The following TPR variants were observed in gnomAD, a reference collection of about 807,000 sequenced individuals.
The protein encoded by TPR is nucleoprotein TPR.
In TPR, 51 loss-of-function variants were observed where a neutral mutation model predicts 316.1. The observed-to-expected ratio is 0.16, with a 90% CI of 0.13 to 0.20. The LOEUF is 0.20. Ranked by LOEUF, TPR falls within the 10% of genes least tolerant of loss-of-function variation. The pLI is 1.00. For missense variants in TPR, 2,272 were observed against 2,754.8 expected (o/e 0.82, Z 3.92); for synonymous variants, 981 against 914.7 (o/e 1.07, Z -1.31).
chr1:186,318,327 C>CAA (rs112634226), intron 48 of TPR, 120 bp downstream of exon 48: 1,047 of 994,196 alleles, frequency 1.1e-3, no homozygotes, highest in African/African-American at 3.6e-3. Flanking sequence ...GACTCTGTCT[C>CAA]AAAAAAAAAA....
chr1:186,332,151 C>T, intron 38 of TPR, 44 bp downstream of exon 38: 1 of 1,574,968 alleles, frequency 6.3e-7, no homozygotes, highest in Non-Finnish European at 8.6e-7. Flanking sequence ...AGTACCTTAA[C>T]TCTACTGGTA....
rs1158757677 is a variant in TPR at position 186,355,310 on chromosome 1, A to C, written c.2171+100T>G. ...TCTCATTCTGGAACACAGTTCACAA[A>C]AAAAGCAACACTATTGCAAATTAGC... is the stretch of plus-strand genomic sequence containing the variant. On this transcript the variant is annotated intron_variant, in intron 17 of 50. Coordinates refer to ENST00000367478, the MANE Select transcript of TPR (RefSeq NM_003292.3). 2.3e-6 allele frequency: 3 copies of C among 1,314,282 alleles called. No individual in the cohort carries two copies. In the Admixed American group the frequency reaches 7.1e-5, roughly 31 times the overall value. 81.4% of individuals were successfully genotyped at this position (1,314,282 alleles called of 1,614,324 possible).
At chr1:186,339,872 C>A in intron 29 of TPR, 100 bp from the exon 30 acceptor site, 1 of 996,084 alleles carries the variant, frequency 1.0e-6, no homozygotes, top group Non-Finnish European at 1.4e-6. Context: ...TATTAGGTGT[C>A]CTGCATGTAA....
rs368340408 is a variant in TPR, at chr1:186,346,254, G to A, written c.2977C>T (p.Arg993Cys). Residue 993 changes from arginine (R) to cysteine (C), a missense_variant, in exon 23 of 51, where the codon CGT becomes TGT. This residue lies in a region of TPR where 757 missense variants were observed against 859.8 expected (regional missense o/e 0.88). Coordinates refer to ENST00000367478, the MANE Select transcript of TPR (RefSeq NM_003292.3). ...TEEVRKNIEV[R>C]LKESAEFQTQ... ...TGAAATTCAGCTGACTCTTTTAAAC[G>A]AACTTCAATATTCTTACGCACTTCT... 3 of 1,611,984 alleles carry A rather than the reference G, an allele frequency of 1.9e-6. No individual in the cohort carries two copies. The highest frequency in any genetic ancestry group is 2.2e-5 in the East Asian group (1 of 44,720).
At position 186,361,829 on chromosome 1, in the gene TPR, T is replaced by C. The variant is rs1271209230; in HGVS notation, c.830A>G (p.Asn277Ser). 7 of 1,613,190 alleles carry C rather than the reference T, an allele frequency of 4.3e-6. No homozygotes were observed. Among genetic ancestry groups the C allele is most frequent in the South Asian group, 2.2e-5 (2 of 91,054 alleles). Reference protein sequence around the residue: ...QQASMEEKFHNELNAHIKLSN... With the variant: ...QQASMEEKFHSELNAHIKLSN... ...AAGTTTTATGTGGGCATTTAATTCA[T>C]TGTGGAATTTCTCTTCCATACTGGC... The change falls in exon 8 of 51, where the codon AAT becomes AGT. Residue 277 changes from asparagine to serine, a missense_variant. This residue lies in a region of TPR where 549 missense variants were observed against 598.6 expected (regional missense o/e 0.92). Transcript: ENST00000367478.
At position 186,343,364 on chromosome 1, in the gene TPR, G is replaced by A; in HGVS notation, c.3712C>T (p.Leu1238=). Residue 1238 remains leucine, a synonymous_variant, in exon 27 of 51, where the codon CTG becomes TTG. Coordinates refer to ENST00000367478, the MANE Select transcript of TPR (RefSeq NM_003292.3). ...CTTTCAGCATTTAGACTATCTTGCA[G>A]TTCCTGCAGCTCTCTTTCTAAAAGT... ...VELLERELQE[L]QDSLNAEREK... The A allele has an allele frequency of 2.5e-6, 4 of 1,613,980 alleles. No homozygotes were observed. The highest frequency in any genetic ancestry group is 2.5e-6 in the Non-Finnish European group (3 of 1,179,944).
chr1:186,355,410 C>T lies in TPR; in HGVS notation c.2171G>A (p.Arg724His). ...ISTQLDFASK[R>H]YEMLQDNVEG... ...TAATTTGAAACAAAAGAAAACTTACCGTTTAGAAGCAAAATCTAGCTGGGT... is the reference window on the plus strand; with the variant it reads ...TAATTTGAAACAAAAGAAAACTTACTGTTTAGAAGCAAAATCTAGCTGGGT... The change falls in exon 17 of 51, where the codon CGT (arginine) becomes CAT (histidine). Residue 724 changes from arginine (R) to histidine (H), a missense_variant and splice_region_variant. Coordinates refer to ENST00000367478, the MANE Select transcript of TPR (RefSeq NM_003292.3). 1 of 1,605,500 alleles carries T rather than the reference C, an allele frequency of 6.2e-7. No homozygotes were observed. Among genetic ancestry groups the T allele is most frequent in the Non-Finnish European group, 8.5e-7 (1 of 1,178,164 alleles).
chr1:186,326,024 C>G, intron 41 of TPR, 80 bp downstream of exon 41: 1 of 1,586,486 alleles, frequency 6.3e-7, no homozygotes, highest in South Asian at 1.2e-5. Flanking sequence ...TTTCATAAGC[C>G]TTTCTATATC....
intron 26 of TPR, 36 bp downstream of exon 26, chr1:186,343,870 A>G (rs1658594149): frequency 6.5e-7 from 1 of 1,541,448 alleles, no homozygotes; most frequent in South Asian, 1.2e-5. Context: ...CATAGTTGTT[A>G]TACCACAGAA....
intron 44 of TPR, 25 bp downstream of exon 44, chr1:186,322,493 T>A: frequency 6.2e-7 from 1 of 1,613,726 alleles, no homozygotes; most frequent in Non-Finnish European, 8.5e-7. Context: ...AATGAATTAC[T>A]TTTACATAAT....
chr1:186,342,209 G>A (rs904910638), intron 27 of TPR: 1 of 152,220 alleles, frequency 6.6e-6, no homozygotes, highest in Non-Finnish European at 1.5e-5. Flanking sequence ...TCCTAACCTC[G>A]TGATCCACCC....
intron 49 of TPR, 116 bp from the exon 50 acceptor site, chr1:186,314,840 TTTCAA>T (rs1226640044): frequency 1.8e-6 from 1 of 561,284 alleles, no homozygotes. Flanking sequence ...GTTCATTTGA[TTTCAA>T]TTCTTTTTTT....
At chr1:186,336,338 CTT>C (rs1325691918) in intron 33 of TPR, among the ~76,000 whole-genome samples, 156 bp downstream of exon 33, 1 of 152,142 alleles carries the variant, frequency 6.6e-6, no homozygotes, top group Non-Finnish European at 1.5e-5. Context: ...TAGGATTGCT[CTT>C]TGTGTCCAAC....
chr1:186,355,672 G>A lies in TPR; in HGVS notation c.1985C>T (p.Ser662Leu). The change falls in exon 16 of 51, where the codon TCA becomes TTA. Residue 662 changes from serine to leucine, a missense_variant. This residue lies in a region of TPR where 757 missense variants were observed against 859.8 expected (regional missense o/e 0.88). Transcript: ENST00000367478. ...STPAPVPVIE[S>L]TEAIEAKAAL... ...AGCCTTAGCCTCTATAGCCTCTGTT[G>A]ATTCAATAACAGGTACTGGAGCAGG... 1 of 1,614,098 alleles carries A rather than the reference G, an allele frequency of 6.2e-7. No homozygotes were observed. Among genetic ancestry groups the A allele is most frequent in the African/African-American group, 1.3e-5 (1 of 75,034 alleles).
At chr1:186,348,310 G>A (rs1658745585) in intron 21 of TPR, among the ~76,000 whole-genome samples, 2 of 152,252 alleles carry the variant, frequency 1.3e-5, no homozygotes, top group South Asian at 4.2e-4. Context: ...ACTGAGATAA[G>A]CCCTGGTCTC....
At chr1:186,368,430 A>G (rs563751799) in intron 3 of TPR, among the ~76,000 whole-genome samples, 2 of 152,236 alleles carry the variant, frequency 1.3e-5, no homozygotes, top group South Asian at 4.1e-4. Context: ...TGGGCAACAC[A>G]GCGAAACCCA....
intron 39 of TPR, among the ~76,000 whole-genome samples, chr1:186,328,626 C>T (rs558745602): frequency 7.9e-4 from 120 of 152,210 alleles, no homozygotes; most frequent in African/African-American, 2.7e-3. Context: ...TTTGGAAATG[C>T]AGTGAATAAA....
Position 186,332,305 on chromosome 1 carries a change from G to A in TPR, c.5494C>T (p.Arg1832Cys). The A allele has an allele frequency of 2.5e-6, 4 of 1,612,446 alleles. No individual in the cohort carries two copies. Among genetic ancestry groups the A allele is most frequent in the Non-Finnish European group, 3.4e-6 (4 of 1,179,204 alleles). ...ATGGTGCTATCCTCTTCCTCTTCAC[G>A]TGTACGCTTTGGCAAAGAAGAACTG... Reference protein sequence around the residue: ...TPSSSLPKRTREEEEDSTIEA... With the variant: ...TPSSSLPKRTCEEEEDSTIEA... Residue 1832 changes from arginine (R) to cysteine (C), a missense_variant, in exon 38 of 51, where the codon CGT (arginine) becomes TGT (cysteine). Arg to Cys is a radical substitution (Grantham distance 180). Transcript: ENST00000367478.
chr1:186,314,671 A>G lies in TPR; in HGVS notation c.6994T>C (p.Leu2332=). 1.2e-6 allele frequency: 2 copies of G among 1,612,892 alleles called. No individual in the cohort carries two copies. Among genetic ancestry groups the G allele is most frequent in the East Asian group, 2.2e-5 (1 of 44,770 alleles). The change falls in exon 50 of 51, where the codon TTG becomes CTG. Residue 2332 remains leucine (L), a synonymous_variant. Coordinates refer to ENST00000367478, the MANE Select transcript of TPR (RefSeq NM_003292.3). ...PFRRVRLQTT[L]RQGVRGRQFN... is the part of the protein sequence containing the mutation. Reference sequence around the variant, plus strand: ...TGACGACCACGGACACCTTGTCTCAATGTTGTCTGAAGTCTTACTCGTCTG... The same window carrying G: ...TGACGACCACGGACACCTTGTCTCAGTGTTGTCTGAAGTCTTACTCGTCTG...
Sources: allele counts gnomAD v4.1 joint callset (sites outside exome capture counted in the v4.1 genomes callset), GRCh38; gene constraint gnomAD v4.1.1; regional missense constraint gnomAD v4.1.1; transcripts MANE v1.5; gene names NCBI Gene and HGNC (gene_info 2026-07-23, HGNC 2026-07-21).